The following ASTN2 variants were observed in gnomAD, a reference collection of about 807,000 sequenced individuals.
The protein encoded by ASTN2 is astrotactin-2.
A neutral mutation model predicts 139.8 loss-of-function variants in ASTN2; 54 were observed. That is an observed-to-expected ratio of 0.39 (90% CI 0.31 to 0.48). The LOEUF (loss-of-function observed/expected upper bound fraction) is 0.48, where lower values mean the gene tolerates loss of function less well. Among genes scored for constraint, ASTN2 ranks in the 20% least tolerant of loss-of-function variants. The probability of loss-of-function intolerance (pLI) is 0.95; values close to 1 mark genes in which losing one functional copy is unlikely to be tolerated. For missense variants in ASTN2, 1,565 were observed against 1,725.1 expected (o/e 0.91, Z 1.64); for synonymous variants, 756 against 719.5 (o/e 1.05, Z -0.81).
chr9:116,921,402 C>T (rs992959834), intron 10 of ASTN2, among the ~76,000 whole-genome samples: 2 of 52,142 alleles, frequency 3.8e-5, no homozygotes, highest in Admixed American at 4.9e-4. Context: ...TACTGACTAA[C>T]ACGGTGAAAC....
intron 1 of ASTN2, among the ~76,000 whole-genome samples, chr9:117,403,571 A>G (rs1830898062): frequency 7.3e-6 from 1 of 137,770 alleles, no homozygotes; most frequent in Admixed American, 7.5e-5. Context: ...CTCAGCCACC[A>G]CTGAAATGAT....
At chr9:117,020,002 C>CTGTGTG (rs57575432) in intron 6 of ASTN2, among the ~76,000 whole-genome samples, 2,113 of 140,862 alleles carry the variant, frequency 0.015, 24 homozygotes, top group East Asian at 0.07. Flanking sequence ...TTCAGGGTTT[C>CTGTGTG]TGTGTGTGTG....
chr9:116,637,493 G>T (rs1857130506), intron 17 of ASTN2, among the ~76,000 whole-genome samples: 1 of 152,064 alleles, frequency 6.6e-6, no homozygotes, highest in Non-Finnish European at 1.5e-5. Context: ...GTATTTTTTT[G>T]AGACAAAAGT....
chr9:117,044,954 C>A (rs547793703), intron 5 of ASTN2, among the ~76,000 whole-genome samples: 1 of 152,096 alleles, frequency 6.6e-6, no homozygotes, highest in African/African-American at 2.4e-5. Context: ...TAAGGATCAC[C>A]CAATTTTGTA....
chr9:116,759,784 C>T (rs142758230), intron 13 of ASTN2, among the ~76,000 whole-genome samples: 20 of 152,244 alleles, frequency 1.3e-4, no homozygotes, highest in Admixed American at 3.3e-4. Flanking sequence ...CCCATCTCTT[C>T]CCAGAATGTT....
At chr9:117,358,270 A>G (rs1248747095) in intron 1 of ASTN2, among the ~76,000 whole-genome samples, 1 of 149,618 alleles carries the variant, frequency 6.7e-6, no homozygotes, top group Non-Finnish European at 1.5e-5. Context: ...AGACACACAC[A>G]CACACACACA....
chr9:117,141,122 G>A (rs1336561016), intron 4 of ASTN2, among the ~76,000 whole-genome samples: 2 of 152,126 alleles, frequency 1.3e-5, no homozygotes, highest in East Asian at 3.9e-4. Context: ...CTCATTCTCA[G>A]TTGAGGCACC....
chr9:116,549,164 C>A (rs62574404), intron 19 of ASTN2, among the ~76,000 whole-genome samples: 2 of 148,010 alleles, frequency 1.4e-5, no homozygotes, highest in South Asian at 2.1e-4. Context: ...TGAAGCAAAC[C>A]ACAAAAATGT....
intron 2 of ASTN2, among the ~76,000 whole-genome samples, chr9:117,261,999 A>T (rs997078049): frequency 6.6e-6 from 1 of 152,246 alleles, no homozygotes; most frequent in South Asian, 2.1e-4. Flanking sequence ...TATTTTAAAA[A>T]GGTATTATTT....
chr9:117,148,077 C>T (rs749001227), intron 3 of ASTN2, among the ~76,000 whole-genome samples: 12 of 152,176 alleles, frequency 7.9e-5, no homozygotes, highest in Non-Finnish European at 1.3e-4. Context: ...TCAAGACTGT[C>T]CACCATGGAG....
At chr9:116,607,340 C>A (rs1233589794) in intron 19 of ASTN2, among the ~76,000 whole-genome samples, 1 of 151,874 alleles carries the variant, frequency 6.6e-6, no homozygotes, top group Non-Finnish European at 1.5e-5. Context: ...AAACAACTGC[C>A]CACCCACAAA....
chr9:116,761,725 G>A (rs1012619352), intron 13 of ASTN2, among the ~76,000 whole-genome samples: 2 of 152,170 alleles, frequency 1.3e-5, no homozygotes, highest in African/African-American at 4.8e-5. Flanking sequence ...ATCTGGAACT[G>A]TGTCCACCAA....
intron 2 of ASTN2, among the ~76,000 whole-genome samples, chr9:117,266,395 T>G (rs1207541963): frequency 6.6e-6 from 1 of 152,124 alleles, no homozygotes; most frequent in Non-Finnish European, 1.5e-5. Context: ...TAGTTGTATT[T>G]TAAGATGAAA....
At chr9:117,250,603 A>G (rs7868076) in intron 2 of ASTN2, among the ~76,000 whole-genome samples, 16,362 of 152,270 alleles carry the variant, frequency 0.11, 1,397 homozygotes, top group African/African-American at 0.22. Flanking sequence ...AGCACCTACT[A>G]TTAGGTTGGT....
intron 10 of ASTN2, among the ~76,000 whole-genome samples, chr9:116,945,269 T>A (rs1194001508): frequency 1.3e-5 from 2 of 152,040 alleles, no homozygotes; most frequent in Non-Finnish European, 2.9e-5. Context: ...GGAAGGAAAA[T>A]CCCTATATTG....
intron 19 of ASTN2, among the ~76,000 whole-genome samples, chr9:116,511,529 G>C (rs1047120659): frequency 1.2e-4 from 18 of 152,274 alleles, no homozygotes; most frequent in Middle Eastern, 3.4e-3. Context: ...AAATGAGTTA[G>C]GGAGAATTCC....
chr9:117,414,102 C>T lies in ASTN2; in HGVS notation c.442+395G>A, dbSNP rs947167700. On this transcript the variant is annotated intron_variant, in intron 1 of 22. Transcript: ENST00000313400. This position sits in a 1 kb window ranked among gnomAD's most constrained non-coding sequence, Gnocchi z 4.2. Reference sequence around the variant, plus strand: ...CGAGGGGGCGGTGACGGCGGGTGGCCAGTGACGGTACCCGGAGAAGTGGGA... The same window carrying T: ...CGAGGGGGCGGTGACGGCGGGTGGCTAGTGACGGTACCCGGAGAAGTGGGA... 6.6e-6 allele frequency among the ~76,000 whole-genome samples: 1 copy of T among 151,932 alleles called. No individual in the cohort carries two copies. Among genetic ancestry groups the T allele is most frequent in the African/African-American group, 2.4e-5 (1 of 41,364 alleles).
At chr9:116,993,262 C>T (rs1339182238) in intron 7 of ASTN2, among the ~76,000 whole-genome samples, 1 of 152,152 alleles carries the variant, frequency 6.6e-6, no homozygotes, top group African/African-American at 2.4e-5. Context: ...CCTCTATGAT[C>T]TTCCTCAAAT....
At chr9:116,863,797 A>C in intron 10 of ASTN2, 64 bp from the exon 11 acceptor site, 1 of 1,466,678 alleles carries the variant, frequency 6.8e-7, no homozygotes, top group Non-Finnish European at 9.2e-7. Context: ...AAAAAATAAT[A>C]ATGTGAATTC....
Sources: gnomAD v4.1 joint callset for allele counts (sites outside exome capture counted in the v4.1 genomes callset) on GRCh38, gnomAD v4.1.1 for gene constraint, Gnocchi (gnomAD v3.1) non-coding constraint, MANE v1.5 for transcripts, NCBI Gene and HGNC (gene_info 2026-07-23, HGNC 2026-07-21) for gene names.